Variants in ABI2 observed in about 807,000 individuals in gnomAD.
The protein encoded by ABI2 is abelson interactor 2.
ABI2 carries 25 observed loss-of-function variants against 59.2 expected under a neutral mutation model. The observed-to-expected ratio is 0.42, with a 90% CI of 0.31 to 0.59. The LOEUF (loss-of-function observed/expected upper bound fraction) is 0.59. Among genes scored for constraint, ABI2 ranks in the 20% least tolerant of loss-of-function variants. The pLI is 0.14. For synonymous variants in ABI2, 213 were observed against 235.5 expected, an observed-to-expected ratio of 0.90 and a Z score of 0.87; for missense variants, 545 against 681.8, an observed-to-expected ratio of 0.80 and a Z score of 2.23.
At chr2:203,354,831 GCTAT>G (rs1348559933) in intron 1 of ABI2, among the ~76,000 whole-genome samples, 2 of 152,174 alleles carry the variant, frequency 1.3e-5, no homozygotes, top group African/African-American at 2.4e-5. Flanking sequence ...AGAGGGATAT[GCTAT>G]CTTAGTATCT....
chr2:203,381,037 GAC>G (rs1386122613), intron 3 of ABI2, among the ~76,000 whole-genome samples: 1 of 152,138 alleles, frequency 6.6e-6, no homozygotes, highest in African/African-American at 2.4e-5. Flanking sequence ...TAGTTTGAAA[GAC>G]AGTGACTTAT....
intron 7 of ABI2, 86 bp downstream of exon 7, chr2:203,395,866 A>T (rs915035569): frequency 1.1e-5 from 15 of 1,389,328 alleles, no homozygotes; most frequent in Admixed American, 8.0e-5. Context: ...CTTTCTTCGT[A>T]ATCAGGATTT....
intron 5 of ABI2, among the ~76,000 whole-genome samples, chr2:203,392,872 G>A (rs1427032969): frequency 6.6e-6 from 1 of 152,074 alleles, no homozygotes; most frequent in Non-Finnish European, 1.5e-5. Flanking sequence ...GATCCTTGGG[G>A]ACCAGAGTTG....
At chr2:203,367,279 G>A in intron 2 of ABI2, 1 of 421,460 alleles carries the variant, frequency 2.4e-6, no homozygotes, top group Non-Finnish European at 3.6e-6. Flanking sequence ...AGTTGTCATG[G>A]TAACATAATC....
chr2:203,364,341 G>A (rs577802531), intron 1 of ABI2, among the ~76,000 whole-genome samples: 19 of 148,388 alleles, frequency 1.3e-4, no homozygotes, highest in East Asian at 5.8e-4. Flanking sequence ...TGATCTGCCC[G>A]CCTCAGCCTC....
intron 2 of ABI2, among the ~76,000 whole-genome samples, chr2:203,372,423 C>G (rs1031580766): frequency 1.3e-5 from 2 of 152,342 alleles, no homozygotes; most frequent in African/African-American, 4.8e-5. Flanking sequence ...CATCCCGGCC[C>G]GTTCTCAATG....
rs1420373202 is a variant in ABI2, at chr2:203,430,660, GC to G, written c.*3309del. On this transcript the variant is annotated 3_prime_UTR_variant, in exon 12 of 12. Coordinates refer to ENST00000261018, the MANE Select transcript of ABI2 (RefSeq NM_001375670.1). The stretch of plus-strand genomic sequence containing the variant: ...CTTCCTATCTCCCTCAGAGGCGCCT[GC>G]TGTTCCCATTTTAGAGTTGACAGTG... 2 of 152,186 alleles carry G rather than the reference GC, an allele frequency of 1.3e-5. No homozygotes were observed. Among genetic ancestry groups the G allele is most frequent in the African/African-American group, 4.8e-5 (2 of 41,426 alleles). The allele number at this position is 152,186 out of a possible 1,614,324, so 9.4% of individuals were successfully genotyped here. A position where few individuals can be genotyped will look rare whatever the true frequency, so the allele number is the denominator to read the frequency against.
At chr2:203,389,627 ACTACT>A (rs2096662855) in intron 4 of ABI2, among the ~76,000 whole-genome samples, 1 of 152,208 alleles carries the variant, frequency 6.6e-6, no homozygotes, top group Admixed American at 6.5e-5. Flanking sequence ...GTATAATTTG[ACTACT>A]CTAGCCATAT....
At chr2:203,334,865 T>G (rs2075731239) in intron 1 of ABI2, among the ~76,000 whole-genome samples, 1 of 152,148 alleles carries the variant, frequency 6.6e-6, no homozygotes, top group South Asian at 2.1e-4. Flanking sequence ...TTCACCGTAT[T>G]GGCCAGGCTG....
intron 1 of ABI2, among the ~76,000 whole-genome samples, chr2:203,341,359 G>A (rs75257889): frequency 0.025 from 3,744 of 152,136 alleles, 167 homozygotes; most frequent in African/African-American, 0.086. Context: ...GTAAATATTC[G>A]CTAAATGAGC....
chr2:203,369,913 ATTTT>A (rs11325262), intron 2 of ABI2, among the ~76,000 whole-genome samples: 1 of 150,890 alleles, frequency 6.6e-6, no homozygotes, highest in African/African-American at 2.4e-5. Context: ...AAGGATTGAA[ATTTT>A]TTTTTTTTAC....
At chr2:203,343,102 A>C (rs187003241) in intron 1 of ABI2, among the ~76,000 whole-genome samples, 13 of 152,300 alleles carry the variant, frequency 8.5e-5, no homozygotes, top group Admixed American at 3.3e-4. Flanking sequence ...CCTCCAGCCA[A>C]AACTAAAAGC....
chr2:203,334,843 T>G (rs569314053), intron 1 of ABI2, among the ~76,000 whole-genome samples: 11 of 152,114 alleles, frequency 7.2e-5, no homozygotes, highest in Non-Finnish European at 1.6e-4. Flanking sequence ...GTATTTTTAG[T>G]AGAGACGGGG....
intron 1 of ABI2, among the ~76,000 whole-genome samples, chr2:203,329,563 C>T (rs1026349654): frequency 3.3e-4 from 48 of 143,302 alleles, no homozygotes; most frequent in African/African-American, 1.2e-3. Flanking sequence ...AAATCTTTTG[C>T]TTTTTTTTTT....
chr2:203,377,690 G>C (rs1003740897), intron 2 of ABI2, among the ~76,000 whole-genome samples: 2 of 152,192 alleles, frequency 1.3e-5, no homozygotes, highest in African/African-American at 2.4e-5. Context: ...TGGATCACTT[G>C]AGCTTAGGAG....
intron 9 of ABI2, among the ~76,000 whole-genome samples, chr2:203,403,532 T>A (rs557962013): frequency 6.6e-6 from 1 of 152,228 alleles, no homozygotes; most frequent in East Asian, 1.9e-4. Context: ...TTTGAAAGAG[T>A]CTTGCAGAAG....
intron 9 of ABI2, among the ~76,000 whole-genome samples, chr2:203,410,213 T>G (rs1335797256): frequency 2.6e-5 from 4 of 152,202 alleles, no homozygotes; most frequent in African/African-American, 9.7e-5. Flanking sequence ...CTACAAATAT[T>G]GTTGGGTTAA....
chr2:203,382,900 T>G (rs2096229493), intron 4 of ABI2, among the ~76,000 whole-genome samples: 1 of 152,216 alleles, frequency 6.6e-6, no homozygotes, highest in Admixed American at 6.5e-5. Context: ...ATGATAATGT[T>G]TAACAGAATA....
In ABI2 at chr2:203,368,790, A is replaced by G. The variant is rs750080427; in HGVS notation, c.285+1746A>G. Among the ~76,000 whole-genome samples, 10 of 151,944 alleles carry G rather than the reference A, an allele frequency of 6.6e-5. No homozygotes were observed. In the South Asian group the frequency reaches 8.3e-4, roughly 13 times the overall value. On this transcript the variant is annotated intron_variant, in intron 2 of 11. Transcript: ENST00000261018. ...AAAGGCCTCCTGAAGGAAATAATCA[A>G]TGGGATTTTAAATGACGAAATAGAT...
Sources: gnomAD v4.1 joint callset for allele counts (sites outside exome capture counted in the v4.1 genomes callset) on GRCh38, gnomAD v4.1.1 for gene constraint, MANE v1.5 for transcripts, NCBI Gene and HGNC (gene_info 2026-07-23, HGNC 2026-07-21) for gene names.